PDZD2: variants seen among roughly 807,000 people sequenced by gnomAD.
PDZD2 encodes PDZ domain containing 2.
PDZD2 carries 90 observed loss-of-function variants against 220.7 expected under a neutral mutation model. That is an observed-to-expected ratio of 0.41 (90% CI 0.34 to 0.49). The LOEUF is 0.49. Ranked by LOEUF, PDZD2 falls within the 20% of genes least tolerant of loss-of-function variation. PDZD2 has a pLI of 0.28. For synonymous variants in PDZD2, 1,375 were observed against 1,450.5 expected (o/e 0.95, Z 1.18); for missense variants, 3,174 against 3,608.5 (o/e 0.88, Z 3.08).
chr5:31,885,984 C>T (rs1484512492), intron 2 of PDZD2, among the ~76,000 whole-genome samples: 2 of 151,988 alleles, frequency 1.3e-5, no homozygotes, highest in Non-Finnish European at 2.9e-5. Context: ...ACTGCAGCCT[C>T]TGCCTCCCGG....
intron 2 of PDZD2, chr5:31,908,379 C>A: frequency 2.7e-6 from 1 of 364,150 alleles, no homozygotes. Context: ...CTACTGGGAC[C>A]TTGTCAGCCA....
At chr5:32,006,569 C>T (rs1169545080) in intron 5 of PDZD2, among the ~76,000 whole-genome samples, 1 of 151,358 alleles carries the variant, frequency 6.6e-6, no homozygotes, top group African/African-American at 2.4e-5. Context: ...TAGAGGCAAT[C>T]TCTCTCTGTG....
At chr5:31,987,144 C>T (rs559195436) in intron 3 of PDZD2, among the ~76,000 whole-genome samples, 2 of 152,172 alleles carry the variant, frequency 1.3e-5, no homozygotes, top group African/African-American at 4.8e-5. Flanking sequence ...TGCGAGTCTG[C>T]TTATATAGAA....
At chr5:31,818,776 A>C (rs1050315268) in intron 2 of PDZD2, among the ~76,000 whole-genome samples, 2 of 152,222 alleles carry the variant, frequency 1.3e-5, no homozygotes, top group Non-Finnish European at 2.9e-5. Flanking sequence ...TTTTAAAGAA[A>C]AGAACAACTT....
chr5:31,724,360 TGGG>T (rs1386292233), intron 1 of PDZD2, among the ~76,000 whole-genome samples: 12 of 152,108 alleles, frequency 7.9e-5, no homozygotes, highest in Non-Finnish European at 1.6e-4. Context: ...CCCAGCACTT[TGGG>T]AGGCCGAGAT....
intron 2 of PDZD2, among the ~76,000 whole-genome samples, chr5:31,901,965 T>C (rs1435406677): frequency 6.6e-6 from 1 of 152,240 alleles, no homozygotes; most frequent in East Asian, 1.9e-4. Flanking sequence ...CAAATGGTAG[T>C]CCAATGTTAT....
chr5:32,020,194 A>T (rs1455304222), intron 6 of PDZD2, among the ~76,000 whole-genome samples: 1 of 151,978 alleles, frequency 6.6e-6, no homozygotes, highest in Non-Finnish European at 1.5e-5. Flanking sequence ...TAGTGGAGAC[A>T]AGGTTTCACC....
chr5:31,731,896 T>C (rs773613544), intron 1 of PDZD2, among the ~76,000 whole-genome samples: 15 of 152,266 alleles, frequency 9.9e-5, no homozygotes, highest in Non-Finnish European at 2.1e-4. Flanking sequence ...ATATGGTTAT[T>C]CTGTGTTTAC....
At chr5:31,891,127 C>CTTTT (rs869189606) in intron 2 of PDZD2, among the ~76,000 whole-genome samples, 1 of 96,416 alleles carries the variant, frequency 1.0e-5, no homozygotes, top group African/African-American at 4.5e-5. Context: ...GGGGTTTTTC[C>CTTTT]TTTTTTTTTT....
intron 2 of PDZD2, among the ~76,000 whole-genome samples, chr5:31,861,868 G>C (rs1160057788): frequency 6.6e-6 from 1 of 152,008 alleles, no homozygotes; most frequent in Non-Finnish European, 1.5e-5. Context: ...TACCCTGTTT[G>C]TTCCTGTATT....
At chr5:31,689,940 T>C (rs1747051948) in intron 1 of PDZD2, among the ~76,000 whole-genome samples, 2 of 152,274 alleles carry the variant, frequency 1.3e-5, no homozygotes, top group South Asian at 4.1e-4. Flanking sequence ...GAAATTCCCA[T>C]AGGCCCATGT....
chr5:31,648,452 T>C (rs1745216207), intron 1 of PDZD2, among the ~76,000 whole-genome samples: 2 of 152,142 alleles, frequency 1.3e-5, no homozygotes, highest in African/African-American at 4.8e-5. Flanking sequence ...TTCATTCTCT[T>C]TTCCCGACAC....
chr5:31,796,692 C>A (rs746219212), intron 1 of PDZD2, among the ~76,000 whole-genome samples: 9 of 152,138 alleles, frequency 5.9e-5, no homozygotes, highest in Admixed American at 3.9e-4. Flanking sequence ...TATCTCCCCA[C>A]TAGACTATGA....
rs775263346 is a variant in PDZD2, at chr5:32,089,533, C to A, written c.6085C>A (p.Pro2029Thr). Residue 2029 changes from proline (P) to threonine (T), a missense_variant, in exon 20 of 25, where the codon CCC becomes ACC. Pro to Thr is a conservative substitution (Grantham distance 38). This residue lies in a region of PDZD2 where 1,861 missense variants were observed against 2,001.0 expected (regional missense o/e 0.93). Transcript: ENST00000438447. ...TAAGTGTAGAGCAGAGGGCAGGGCG[C>A]CCCGTGCTGACTCCGGGCCGGTGAG... The part of the protein sequence containing the change: ...SPKCRAEGRA[P>T]RADSGPVSPA... 34 of 1,609,794 alleles carry A rather than the reference C, an allele frequency of 2.1e-5. No homozygotes were observed. Among genetic ancestry groups the A allele is most frequent in the Non-Finnish European group, 2.8e-5 (33 of 1,179,112 alleles).
rs1162467087 is a variant in PDZD2, at chr5:32,083,776, A to C, written c.3683-3355A>C. On this transcript the variant is annotated intron_variant, in intron 19 of 24. Transcript: ENST00000438447. The surrounding 1 kb of genome is among the most constrained non-coding windows in gnomAD (Gnocchi z 4.1). ...ACTGCAACCTCCGCCTCCCAGGTTC[A>C]GGCAGTTCTCCTGCCTCAGCCTCCC... is the stretch of plus-strand genomic sequence containing the variant. Among the ~76,000 whole-genome samples, 2 of 151,962 alleles carry C rather than the reference A, an allele frequency of 1.3e-5. No individual in the cohort carries two copies. Among genetic ancestry groups the C allele is most frequent in the African/African-American group, 4.8e-5 (2 of 41,360 alleles).
Position 31,938,016 on chromosome 5 carries a change from G to A in PDZD2, c.477-45139G>A, listed in dbSNP as rs1278539943. ...AAGAAGAATATAGGACAGAGATAGT[G>A]ACCCACAAAGCCTATCCGATCTTTA... On this transcript the variant is annotated intron_variant, in intron 2 of 24. Coordinates refer to ENST00000438447, the MANE Select transcript of PDZD2 (RefSeq NM_178140.4). Among the ~76,000 whole-genome samples, 3 of 152,338 alleles carry A rather than the reference G, an allele frequency of 2.0e-5. No homozygotes were observed. The East Asian group carries it at 5.8e-4, about 29-fold the overall frequency.
intron 2 of PDZD2, among the ~76,000 whole-genome samples, chr5:31,857,094 T>A (rs1265008506): frequency 6.6e-6 from 1 of 152,086 alleles, no homozygotes; most frequent in East Asian, 1.9e-4. Context: ...TCAGCAAACC[T>A]CCTGCCTCAG....
intron 1 of PDZD2, among the ~76,000 whole-genome samples, chr5:31,794,847 G>A (rs991798074): frequency 1.3e-5 from 2 of 152,118 alleles, no homozygotes; most frequent in Non-Finnish European, 2.9e-5. Context: ...GGTGAAGGTC[G>A]AAGAACTTGG....
chr5:31,836,701 C>T (rs576880098), intron 2 of PDZD2, among the ~76,000 whole-genome samples: 18 of 152,094 alleles, frequency 1.2e-4, no homozygotes, highest in African/African-American at 3.6e-4. Flanking sequence ...GAAAAGGGTA[C>T]GTCATCTGTC....
Sources: gnomAD v4.1 joint callset for allele counts (sites outside exome capture counted in the v4.1 genomes callset) on GRCh38, gnomAD v4.1.1 for gene constraint, gnomAD v4.1.1 regional missense constraint, Gnocchi (gnomAD v3.1) non-coding constraint, MANE v1.5 for transcripts, NCBI Gene and HGNC (gene_info 2026-07-23, HGNC 2026-07-21) for gene names.